Variants in SLC9A3 observed in about 807,000 individuals in gnomAD.
SLC9A3 encodes the protein solute carrier family 9 member A3.
Under a neutral mutation model 86.8 loss-of-function variants are expected in SLC9A3, and 37 were observed. That is an observed-to-expected ratio of 0.43 (90% CI 0.33 to 0.56). SLC9A3 has a LOEUF of 0.56. Among genes scored for constraint, SLC9A3 ranks in the 20% least tolerant of loss-of-function variants. The pLI is 0.06. For synonymous variants in SLC9A3, 581 were observed against 528.3 expected, an observed-to-expected ratio of 1.10 and a Z score of -1.37; for missense variants, 1,011 against 1,171.9, an observed-to-expected ratio of 0.86 and a Z score of 2.00.
In SLC9A3 at chr5:475,627, C is replaced by G. The variant is rs779653363; in HGVS notation, c.2185G>C (p.Glu729Gln). ...AGGAACTCGATCCCCCCACTCATCT[C>G]CTCATCATAGTTGGGGGGCTCCTCG... Reference protein sequence around the residue: ...DTEEPPNYDEEMSGGIEFLAS... With the variant: ...DTEEPPNYDEQMSGGIEFLAS... Residue 729 changes from glutamate (E) to glutamine (Q), a missense_variant, in exon 15 of 17, where the codon GAG (glutamate) becomes CAG (glutamine). Physicochemically the swap from Glu to Gln is conservative, Grantham distance 29 (BLOSUM62 2). This residue lies in a region of SLC9A3 where 397 missense variants were observed against 346.3 expected (regional missense o/e 1.15). Coordinates refer to ENST00000264938, the MANE Select transcript of SLC9A3 (RefSeq NM_004174.4). 2.6e-6 allele frequency: 4 copies of G among 1,552,206 alleles called. No individual in the cohort carries two copies. The South Asian group carries it at 3.6e-5, about 14-fold the overall frequency.
chr5:498,027 C>T (rs889641172), intron 1 of SLC9A3, among the ~76,000 whole-genome samples: 8 of 152,206 alleles, frequency 5.3e-5, no homozygotes, highest in Non-Finnish European at 1.2e-4. Flanking sequence ...CGGCCACCGC[C>T]CTCCTCTTCA....
In SLC9A3 at chr5:473,243, G is replaced by GCGCA; in HGVS notation, c.*135_*136insTGCG. On this transcript the variant is annotated 3_prime_UTR_variant, in exon 17 of 17. Transcript: ENST00000264938. ...CGGAGTTCTGCGCAGGCGCTGGCGT[G>GCGCA]GGCGAGGCGGGGCTCGGGGCTCGCG... 2.0e-6 allele frequency: 2 copies of GCGCA among 976,282 alleles called. No homozygotes were observed. Among genetic ancestry groups the GCGCA allele is most frequent in the Non-Finnish European group, 2.6e-6 (2 of 757,098 alleles). 60.5% of individuals were successfully genotyped at this position (976,282 alleles called of 1,614,324 possible). A position where few individuals can be genotyped will look rare whatever the true frequency, so the allele number is the denominator to read the frequency against.
rs530624676 is a variant in SLC9A3, at chr5:477,137, C to T, written c.1760+195G>A. The T allele has an allele frequency of 3.5e-5, 19 of 542,212 alleles. No individual in the cohort carries two copies. In the East Asian group the frequency reaches 4.2e-4, roughly 12 times the overall value. 33.6% of individuals were successfully genotyped at this position (542,212 alleles called of 1,614,324 possible). A position where few individuals can be genotyped will look rare whatever the true frequency, so the allele number is the denominator to read the frequency against. On this transcript the variant is annotated intron_variant, in intron 11 of 16. Transcript: ENST00000264938. The stretch of plus-strand genomic sequence containing the variant: ...GCTGCTGCCCCTCCCTTTCACCTTC[C>T]ATCCAGCACTAAGGGAGTCTGGCCA...
chr5:471,784 A>C lies in SLC9A3; in HGVS notation c.*1595T>G, dbSNP rs1023467749. ...GCAGTTAGGGTCGAGAGCTTCTCCG[A>C]AGCAGCGGTCATGCAGGCTTTTGTG... On this transcript the variant is annotated 3_prime_UTR_variant, in exon 17 of 17. Transcript: ENST00000264938. The C allele has an allele frequency of 1.5e-5, 7 of 456,548 alleles. No individual in the cohort carries two copies. The Admixed American group carries it at 1.6e-4, about 11-fold the overall frequency. The allele number at this position is 456,548 out of a possible 1,614,324, so 28.3% of individuals were successfully genotyped here.
At chr5:483,535 C>T (rs1253493281) in intron 5 of SLC9A3, 53 bp from the exon 6 acceptor site, 48 of 1,306,400 alleles carry the variant, frequency 3.7e-5, no homozygotes, top group Non-Finnish European at 5.2e-5. Flanking sequence ...GCGCCCGAGG[C>T]CCCCGTGTCC....
At chr5:521,974 G>A (rs1424245666) in intron 1 of SLC9A3, among the ~76,000 whole-genome samples, 2 of 152,222 alleles carry the variant, frequency 1.3e-5, no homozygotes, top group Non-Finnish European at 2.9e-5. Flanking sequence ...GGCAGACCCA[G>A]AGCAGACCTC....
chr5:504,603 G>C (rs188229093), intron 1 of SLC9A3, among the ~76,000 whole-genome samples: 4 of 152,230 alleles, frequency 2.6e-5, no homozygotes, highest in African/African-American at 9.6e-5. Context: ...TGTCACCCCC[G>C]GGTGAGCCCA....
At chr5:522,379 C>T (rs1217420713) in intron 1 of SLC9A3, among the ~76,000 whole-genome samples, 2 of 152,230 alleles carry the variant, frequency 1.3e-5, no homozygotes, top group Non-Finnish European at 2.9e-5. Context: ...CTGGCTGGTG[C>T]CTGGCGGCTG....
chr5:511,596 C>T (rs1740870744), intron 1 of SLC9A3, among the ~76,000 whole-genome samples: 1 of 152,258 alleles, frequency 6.6e-6, no homozygotes, highest in Admixed American at 6.5e-5. Flanking sequence ...GAGACACCAC[C>T]ACGTACCCGT....
chr5:499,156 C>A (rs371138105), intron 1 of SLC9A3, among the ~76,000 whole-genome samples: 126 of 152,378 alleles, frequency 8.3e-4, no homozygotes, highest in African/African-American at 2.9e-3. Context: ...CGGCTTTTCC[C>A]AAGGACCCAT....
intron 1 of SLC9A3, among the ~76,000 whole-genome samples, chr5:509,975 C>G (rs1448605060): frequency 2.0e-5 from 3 of 152,228 alleles, no homozygotes; most frequent in Admixed American, 2.0e-4. Flanking sequence ...GCTGGCTTCC[C>G]AGGGCCTGAG....
rs199502995 is a variant in SLC9A3, at chr5:476,285, C to G, written c.1984G>C (p.Glu662Gln). 16 of 1,614,016 alleles carry G rather than the reference C, an allele frequency of 9.9e-6. No individual in the cohort carries two copies. The highest frequency in any genetic ancestry group is 2.2e-5 in the East Asian group (1 of 44,882). ...IFHRTMRKRL[E>Q]SFKSTKLGLN... ...CCCAGCTTGGTCGACTTGAAGGACT[C>G]CAGGCGCTTCCGCATGGTCCTGTGG... The change falls in exon 13 of 17, where the codon GAG becomes CAG. Residue 662 changes from glutamate (E) to glutamine (Q), a missense_variant. By Grantham distance (29) the Glu-to-Gln change is conservative. Coordinates refer to ENST00000264938, the MANE Select transcript of SLC9A3 (RefSeq NM_004174.4).
At chr5:524,009 G>C in intron 1 of SLC9A3, 103 bp downstream of exon 1, 1 of 709,196 alleles carries the variant, frequency 1.4e-6, no homozygotes, top group Non-Finnish European at 2.0e-6. Context: ...GGCGGCCGCC[G>C]CGCGGCTCCG....
At chr5:487,645 A>G (rs1297318142) in intron 3 of SLC9A3, among the ~76,000 whole-genome samples, 2 of 152,126 alleles carry the variant, frequency 1.3e-5, no homozygotes, top group Non-Finnish European at 2.9e-5. Context: ...CGTGGTTCCT[A>G]TGGGATTTTG....
rs763336953 is a variant in SLC9A3, at chr5:488,445, G to A, written c.546C>T (p.Leu182=). ...CAGCCGCCATGAGGCTGCCAAACAG[G>A]AGGAAGTCCAGCAGCCCAATCTGCA... is the stretch of plus-strand genomic sequence containing the variant. ...GDLQIGLLDF[L]LFGSLMAAVD... is the part of the protein sequence containing the mutation. Residue 182 remains leucine, a synonymous_variant, in exon 3 of 17, where the codon CTC becomes CTT. Transcript: ENST00000264938. 5.5e-5 allele frequency: 88 copies of A among 1,591,146 alleles called. No homozygotes were observed. In the South Asian group the frequency reaches 9.8e-4, roughly 18 times the overall value.
At position 470,965 on chromosome 5, in the gene SLC9A3, AT is replaced by A. The variant is rs1305695654; in HGVS notation, c.*2413del. The A allele has an allele frequency of 1.3e-5, 2 of 152,342 alleles. No individual in the cohort carries two copies. The highest frequency in any genetic ancestry group is 4.8e-5 in the African/African-American group (2 of 41,444). 9.4% of individuals were successfully genotyped at this position (152,342 alleles called of 1,614,324 possible). On this transcript the variant is annotated 3_prime_UTR_variant, in exon 17 of 17. Transcript: ENST00000264938. ...TGACAGCAGTGACAGGAACGTGGGG[AT>A]CCCCACTCATGACGAGTCCCTAGCA...
intron 1 of SLC9A3, among the ~76,000 whole-genome samples, chr5:499,445 A>G (rs960187410): frequency 2.0e-5 from 3 of 152,244 alleles, no homozygotes; most frequent in Admixed American, 6.5e-5. Context: ...GCCGGCACCA[A>G]CCAGGCCTGG....
Position 491,201 on chromosome 5 carries a change from A to C in SLC9A3, c.514+568T>G, listed in dbSNP as rs997949972. 6.6e-6 allele frequency among the ~76,000 whole-genome samples: 1 copy of C among 152,156 alleles called. No individual in the cohort carries two copies. Among genetic ancestry groups the C allele is most frequent in the African/African-American group, 2.4e-5 (1 of 41,436 alleles). On this transcript the variant is annotated intron_variant, in intron 2 of 16. Transcript: ENST00000264938. This position sits in a 1 kb window ranked among gnomAD's most constrained non-coding sequence, Gnocchi z 9.2. ...GGACCCACCTGGTCAAAGCTGTAGC[A>C]TCCCCGGCAGCAGCGGCGGGCATCA...
Position 494,856 on chromosome 5 carries a change from C to T in SLC9A3, c.212-2785G>A, listed in dbSNP as rs542045936. 9.3e-4 allele frequency among the ~76,000 whole-genome samples: 142 copies of T among 152,322 alleles called. 3 individuals are homozygous for T. Among genetic ancestry groups the T allele is most frequent in the South Asian group, 8.1e-3 (39 of 4,820 alleles). ...AGCCGCTGGCAAGACCCACCCAGGC[C>T]GCTGTTTTCTACACGATGCACGTTC... On this transcript the variant is annotated intron_variant, in intron 1 of 16. Transcript: ENST00000264938.
Sources: allele counts gnomAD v4.1 joint callset (sites outside exome capture counted in the v4.1 genomes callset), GRCh38; gene constraint gnomAD v4.1.1; regional missense constraint gnomAD v4.1.1; non-coding constraint Gnocchi (gnomAD v3.1); transcripts MANE v1.5; gene names NCBI Gene and HGNC (gene_info 2026-07-23, HGNC 2026-07-21).